Variants in PKDCC observed in about 807,000 individuals in gnomAD.
PKDCC encodes the protein protein kinase domain containing, cytoplasmic, also known as extracellular tyrosine-protein kinase PKDCC.
A neutral mutation model predicts 44.7 loss-of-function variants in PKDCC; 35 were observed. That is an observed-to-expected ratio of 0.78 (90% CI 0.60 to 1.04). The LOEUF is 1.04. Among genes scored for constraint, PKDCC ranks in the 50% least tolerant of loss-of-function variants. PKDCC has a pLI of 0.00. For missense variants in PKDCC, 738 were observed against 672.7 expected, an observed-to-expected ratio of 1.10 and a Z score of -1.07; for synonymous variants, 353 against 303.3, an observed-to-expected ratio of 1.16 and a Z score of -1.70.
chr2:42,053,190 T>TCCCC, intron 1 of PKDCC, 49 bp from the exon 2 acceptor site: 7 of 1,199,998 alleles, frequency 5.8e-6, no homozygotes, highest in Non-Finnish European at 7.1e-6. Context: ...CCCTTCCCTG[T>TCCCC]CCCCACCCCC....
intron 1 of PKDCC, among the ~76,000 whole-genome samples, chr2:42,050,349 G>GATCC (rs1667945046): frequency 6.6e-6 from 1 of 152,200 alleles, no homozygotes; most frequent in Admixed American, 6.5e-5. Flanking sequence ...GTGTCAGCCA[G>GATCC]ATCCTGAGGG....
In PKDCC at chr2:42,055,585, A is replaced by AGAT; in HGVS notation, c.1222+193_1222+194insATG. On this transcript the variant is annotated intron_variant, in intron 5 of 6. Coordinates refer to ENST00000294964, the MANE Select transcript of PKDCC (RefSeq NM_138370.3). The surrounding 1 kb of genome is among the most constrained non-coding windows in gnomAD (Gnocchi z 4.5). ...GAGGTTCCATCTCTAGCTGAGCTAG[A>AGAT]GCAACTATAATTCTGCCTTCAACCT... is the stretch of plus-strand genomic sequence containing the variant. 2 of 583,868 alleles carry AGAT rather than the reference A, an allele frequency of 3.4e-6. No individual in the cohort carries two copies. Among genetic ancestry groups the AGAT allele is most frequent in the Non-Finnish European group, 6.1e-6 (2 of 327,602 alleles). 36.2% of individuals were successfully genotyped at this position (583,868 alleles called of 1,614,324 possible).
rs1430944282 is a variant in PKDCC, at chr2:42,055,117, T to C, written c.1114+97T>C. 2 of 1,414,216 alleles carry C rather than the reference T, an allele frequency of 1.4e-6. No homozygotes were observed. The highest frequency in any genetic ancestry group is 4.6e-5 in the East Asian group (2 of 43,612). 87.6% of individuals were successfully genotyped at this position (1,414,216 alleles called of 1,614,324 possible). A position where few individuals can be genotyped will look rare whatever the true frequency, so the allele number is the denominator to read the frequency against. ...AAATAACCCAGGGCAGCAGGGGTTC[T>C]AGAAACCATCACTTCCTAAGGTGGC... is the stretch of plus-strand genomic sequence containing the variant. On this transcript the variant is annotated intron_variant, in intron 4 of 6. Transcript: ENST00000294964. This position sits in a 1 kb window ranked among gnomAD's most constrained non-coding sequence, Gnocchi z 4.5.
At chr2:42,049,353 T>A (rs1185767776) in intron 1 of PKDCC, among the ~76,000 whole-genome samples, 1 of 152,062 alleles carries the variant, frequency 6.6e-6, no homozygotes, top group East Asian at 1.9e-4. Context: ...GTGTCAGGCT[T>A]GATTCCTATA....
At chr2:42,049,947 C>T (rs1196971866) in intron 1 of PKDCC, among the ~76,000 whole-genome samples, 2 of 152,226 alleles carry the variant, frequency 1.3e-5, no homozygotes, top group African/African-American at 2.4e-5. Flanking sequence ...AACCTTTCTG[C>T]ACCCAGCAGA....
chr2:42,050,533 A>G (rs1241335734), intron 1 of PKDCC, among the ~76,000 whole-genome samples: 2 of 152,096 alleles, frequency 1.3e-5, no homozygotes, highest in Non-Finnish European at 1.5e-5. Flanking sequence ...CTAACGCCCC[A>G]CATATATATC....
rs889686054 is a variant in PKDCC at position 42,054,498 on chromosome 2, A to G, written c.1034+191A>G. ...GGAGAGGCTAAAAATAGACAGCTCC[A>G]AGGAGAATCCGGGTTAGGGGGTGGC... On this transcript the variant is annotated intron_variant, in intron 3 of 6. Transcript: ENST00000294964. The surrounding 1 kb of genome is among the most constrained non-coding windows in gnomAD (Gnocchi z 6.1). The G allele has an allele frequency of 2.6e-5, 18 of 690,318 alleles. No individual in the cohort carries two copies. The African/African-American group carries it at 2.9e-4, about 11-fold the overall frequency. 42.8% of individuals were successfully genotyped at this position (690,318 alleles called of 1,614,324 possible).
In PKDCC at chr2:42,054,524, A is replaced by G; in HGVS notation, c.1034+217A>G. On this transcript the variant is annotated intron_variant, in intron 3 of 6. Coordinates refer to ENST00000294964, the MANE Select transcript of PKDCC (RefSeq NM_138370.3). This position sits in a 1 kb window ranked among gnomAD's most constrained non-coding sequence, Gnocchi z 6.1. ...AGGAGAATCCGGGTTAGGGGGTGGCAGCTGGAGGCTTCTTAAAATAGTGTT... is the reference window on the plus strand; with the variant it reads ...AGGAGAATCCGGGTTAGGGGGTGGCGGCTGGAGGCTTCTTAAAATAGTGTT... The G allele has an allele frequency of 1.6e-6, 1 of 611,176 alleles. No individual in the cohort carries two copies. The highest frequency in any genetic ancestry group is 2.8e-5 in the East Asian group (1 of 35,348). The allele number at this position is 611,176 out of a possible 1,614,324, so 37.9% of individuals were successfully genotyped here. A position where few individuals can be genotyped will look rare whatever the true frequency, so the allele number is the denominator to read the frequency against.
chr2:42,053,634 C>A, intron 2 of PKDCC: 1 of 532,386 alleles, frequency 1.9e-6, no homozygotes, highest in South Asian at 2.6e-5. Flanking sequence ...GGGGAGCACT[C>A]ACACACTCAC....
At chr2:42,053,678 G>C (rs1041321858) in intron 2 of PKDCC, 1 of 521,576 alleles carries the variant, frequency 1.9e-6, no homozygotes, top group Non-Finnish European at 3.4e-6. Context: ...CAGTGTCCTA[G>C]AACTAGGAAA....
At chr2:42,049,212 T>A (rs1016844185) in intron 1 of PKDCC, among the ~76,000 whole-genome samples, 14 of 152,106 alleles carry the variant, frequency 9.2e-5, no homozygotes, top group African/African-American at 2.9e-4. Context: ...CCAAGACACT[T>A]GAGTCAGAAT....
Position 42,054,588 on chromosome 2 carries a change from C to T in PKDCC, c.1034+281C>T. On this transcript the variant is annotated intron_variant, in intron 3 of 6. Coordinates refer to ENST00000294964, the MANE Select transcript of PKDCC (RefSeq NM_138370.3). This position sits in a 1 kb window ranked among gnomAD's most constrained non-coding sequence, Gnocchi z 6.1. ...AGGGCTGGTGGAACTGGCACTTTTCCCTTCCCACCCAGGCCCTTGTGCTCT... is the reference window on the plus strand; with the variant it reads ...AGGGCTGGTGGAACTGGCACTTTTCTCTTCCCACCCAGGCCCTTGTGCTCT... 1.8e-6 allele frequency: 1 copy of T among 544,652 alleles called. No homozygotes were observed. Among genetic ancestry groups the T allele is most frequent in the South Asian group, 2.5e-5 (1 of 40,146 alleles). 33.7% of individuals were successfully genotyped at this position (544,652 alleles called of 1,614,324 possible).
chr2:42,055,565 T>C lies in PKDCC; in HGVS notation c.1222+172T>C. 2 of 608,222 alleles carry C rather than the reference T, an allele frequency of 3.3e-6. No individual in the cohort carries two copies. The highest frequency in any genetic ancestry group is 4.0e-5 in the South Asian group (2 of 49,718). The allele number at this position is 608,222 out of a possible 1,614,324, so 37.7% of individuals were successfully genotyped here. A position where few individuals can be genotyped will look rare whatever the true frequency, so the allele number is the denominator to read the frequency against. ...GGGCTGACATGGACTAATTTGAGGT[T>C]CCATCTCTAGCTGAGCTAGAGCAAC... On this transcript the variant is annotated intron_variant, in intron 5 of 6. Coordinates refer to ENST00000294964, the MANE Select transcript of PKDCC (RefSeq NM_138370.3). The surrounding 1 kb of genome is among the most constrained non-coding windows in gnomAD (Gnocchi z 4.5).
rs968420843 is a variant in PKDCC at position 42,057,161 on chromosome 2, C to T, written c.1223-60C>T. 8 of 1,574,474 alleles carry T rather than the reference C, an allele frequency of 5.1e-6. No individual in the cohort carries two copies. The African/African-American group carries it at 9.4e-5, about 19-fold the overall frequency. ...CTGCCCTTTCCAGAAAGTGACACAT[C>T]CTTGGGCACTCAAACCTGGGCATAC... On this transcript the variant is annotated intron_variant, in intron 5 of 6. Coordinates refer to ENST00000294964, the MANE Select transcript of PKDCC (RefSeq NM_138370.3).
Position 42,057,301 on chromosome 2 carries a change from C to G in PKDCC, c.1303C>G (p.Leu435Val). 6.2e-7 allele frequency: 1 copy of G among 1,614,214 alleles called. No individual in the cohort carries two copies. Among genetic ancestry groups the G allele is most frequent in the South Asian group, 1.1e-5 (1 of 91,088 alleles). The part of the protein sequence containing the change: ...WPSYHHGSCL[L>V]SVFNLAEAVD... ...ATCCTACCACCACGGGAGCTGCCTCCTTTCAGTGTTCAACCTGGCTGAGGC... is the reference window on the plus strand; with the variant it reads ...ATCCTACCACCACGGGAGCTGCCTCGTTTCAGTGTTCAACCTGGCTGAGGC... The change falls in exon 6 of 7, where the codon CTT becomes GTT. Residue 435 changes from leucine (L) to valine (V), a missense_variant. Leu to Val is a conservative substitution (Grantham distance 32). Transcript: ENST00000294964.
Position 42,057,201 on chromosome 2 carries a change from A to T in PKDCC, c.1223-20A>T. On this transcript the variant is annotated intron_variant, in intron 5 of 6. Coordinates refer to ENST00000294964, the MANE Select transcript of PKDCC (RefSeq NM_138370.3). ...CCTGGGCATACAGAATTCTCATTTT[A>T]CTCCATCCCCAACCCACAGAGTACC... 1 of 1,612,456 alleles carries T rather than the reference A, an allele frequency of 6.2e-7. No homozygotes were observed. The highest frequency in any genetic ancestry group is 2.2e-5 in the East Asian group (1 of 44,844).
In PKDCC at chr2:42,048,801, T is replaced by C; in HGVS notation, c.602T>C (p.Val201Ala). 4.0e-6 allele frequency: 6 copies of C among 1,483,078 alleles called. No individual in the cohort carries two copies. Among genetic ancestry groups the C allele is most frequent in the Middle Eastern group, 1.8e-4 (1 of 5,408 alleles). 91.9% of individuals were successfully genotyped at this position (1,483,078 alleles called of 1,614,324 possible). Residue 201 changes from valine (V) to alanine (A), a missense_variant, in exon 1 of 7, where the codon GTG becomes GCG. Physicochemically the swap from Val to Ala is moderately conservative, Grantham distance 64. Coordinates refer to ENST00000294964, the MANE Select transcript of PKDCC (RefSeq NM_138370.3). The surrounding 1 kb of genome is among the most constrained non-coding windows in gnomAD (Gnocchi z 6.2). ...GCCCACAAGCTGCTTAAGGAGATGGTGCTGCTGGAGCGGCTGCGGCACCCC... is the reference window on the plus strand; with the variant it reads ...GCCCACAAGCTGCTTAAGGAGATGGCGCTGCTGGAGCGGCTGCGGCACCCC... ...LAAHKLLKEM[V>A]LLERLRHPNV...
At chr2:42,053,024 C>T (rs1343890453) in intron 1 of PKDCC, among the ~76,000 whole-genome samples, 2 of 152,162 alleles carry the variant, frequency 1.3e-5, no homozygotes, top group East Asian at 1.9e-4. Context: ...TTACCTGAGT[C>T]GGAAGGGGTG....
chr2:42,054,439 A>G lies in PKDCC; in HGVS notation c.1034+132A>G. The G allele has an allele frequency of 9.0e-7, 1 of 1,105,946 alleles. No individual in the cohort carries two copies. Among genetic ancestry groups the G allele is most frequent in the African/African-American group, 1.6e-5 (1 of 63,310 alleles). The allele number at this position is 1,105,946 out of a possible 1,614,324, so 68.5% of individuals were successfully genotyped here. A position where few individuals can be genotyped will look rare whatever the true frequency, so the allele number is the denominator to read the frequency against. The stretch of plus-strand genomic sequence containing the variant: ...TTGACCAGAGCAAGGGAAGGCTTCT[A>G]CCCTGTCCAGAAGGGAACATTCAGG... On this transcript the variant is annotated intron_variant, in intron 3 of 6. Coordinates refer to ENST00000294964, the MANE Select transcript of PKDCC (RefSeq NM_138370.3). The surrounding 1 kb of genome is among the most constrained non-coding windows in gnomAD (Gnocchi z 6.1).
Sources: allele counts gnomAD v4.1 joint callset (sites outside exome capture counted in the v4.1 genomes callset), GRCh38; gene constraint gnomAD v4.1.1; non-coding constraint Gnocchi (gnomAD v3.1); transcripts MANE v1.5; gene names NCBI Gene and HGNC (gene_info 2026-07-23, HGNC 2026-07-21).